COL11A2: variants seen among roughly 807,000 people sequenced by gnomAD.
COL11A2 encodes the protein collagen type XI alpha 2 chain.
Under a neutral mutation model 273.4 loss-of-function variants are expected in COL11A2, and 116 were observed. The observed-to-expected ratio is 0.42, with a 90% CI of 0.36 to 0.49. The LOEUF (loss-of-function observed/expected upper bound fraction) is 0.49. Ranked by LOEUF, COL11A2 falls within the 20% of genes least tolerant of loss-of-function variation. The pLI, the probability that COL11A2 is intolerant of heterozygous loss-of-function variation, is 0.00. For missense variants in COL11A2, 1,866 were observed against 2,309.0 expected (o/e 0.81, Z 3.93); for synonymous variants, 782 against 864.2 (o/e 0.90, Z 1.67).
intron 8 of COL11A2, among the ~76,000 whole-genome samples, chr6:33,182,204 G>A (rs1037886957): frequency 6.6e-6 from 1 of 151,944 alleles, no homozygotes; most frequent in Non-Finnish European, 1.5e-5. Context: ...AACCCAGGAG[G>A]TGGAGGTTGA....
rs1229265418 is a variant in COL11A2, at chr6:33,170,306, CAG to C, written c.3582+18_3582+19del. On this transcript the variant is annotated intron_variant, in intron 48 of 65. Transcript: ENST00000341947. This position sits in a 1 kb window ranked among gnomAD's most constrained non-coding sequence, Gnocchi z 4.3. The stretch of plus-strand genomic sequence containing the variant: ...GACCAGACACATTGGTCTCAAGGGA[CAG>C]GGGCTGAGATGACTCACATCAGCGC... 1 of 1,612,654 alleles carries C rather than the reference CAG, an allele frequency of 6.2e-7. No homozygotes were observed. Among genetic ancestry groups the C allele is most frequent in the East Asian group, 2.2e-5 (1 of 44,838 alleles).
rs1768830475 is a variant in COL11A2, at chr6:33,164,640, T to C, written c.4864-167A>G. 6.6e-6 allele frequency among the ~76,000 whole-genome samples: 1 copy of C among 150,614 alleles called. No homozygotes were observed. The highest frequency in any genetic ancestry group is 2.5e-5 in the African/African-American group (1 of 40,776). ...GCTGGGAAAGAAGTGAGGGGCTGAGTGGGAGCCAGGAGACTGGGGGTACAC... is the reference window on the plus strand; with the variant it reads ...GCTGGGAAAGAAGTGAGGGGCTGAGCGGGAGCCAGGAGACTGGGGGTACAC... On this transcript the variant is annotated intron_variant, in intron 64 of 65. Transcript: ENST00000341947. This position sits in a 1 kb window ranked among gnomAD's most constrained non-coding sequence, Gnocchi z 4.7.
intron 5 of COL11A2, chr6:33,186,355 T>C: frequency 1.4e-6 from 2 of 1,386,160 alleles, no homozygotes; most frequent in Non-Finnish European, 1.9e-6. Context: ...AATCTCTTAA[T>C]TCAAAGAAGG....
At position 33,185,415 on chromosome 6, in the gene COL11A2, G is replaced by A. The variant is rs367992472; in HGVS notation, c.876+286C>T. ...AAGCCTGCAGTTGGAGAGGGCCTCC[G>A]GCCTGGTGAGGGGGACGCCTGCCAG... On this transcript the variant is annotated intron_variant, in intron 6 of 65. Coordinates refer to ENST00000341947, the MANE Select transcript of COL11A2 (RefSeq NM_080680.3). Among the ~76,000 whole-genome samples the A allele has an allele frequency of 2.2e-4, 33 of 152,282 alleles. 1 individual carries two copies. The highest frequency in any genetic ancestry group is 1.1e-3 in the Admixed American group (17 of 15,310).
At position 33,174,200 on chromosome 6, in the gene COL11A2, C is replaced by G; in HGVS notation, c.2449G>C (p.Gly817Arg). Residue 817 changes from glycine (G) to arginine (R), a missense_variant, in exon 32 of 66, where the codon GGC becomes CGC. Physicochemically the swap from Gly to Arg is moderately radical, Grantham distance 125. Transcript: ENST00000341947. ...QGPKGSLGFP[G>R]FPGASGEKGA... ...TTCTCTCCACTGGCACCAGGAAAGC[C>G]AGGAAATCCTAGGGACCCCTGGTGA... 6.3e-7 allele frequency: 1 copy of G among 1,576,142 alleles called. No homozygotes were observed. Among genetic ancestry groups the G allele is most frequent in the Non-Finnish European group, 8.6e-7 (1 of 1,160,364 alleles).
Position 33,169,985 on chromosome 6 carries a change from G to A in COL11A2, c.3636+62C>T. The A allele has an allele frequency of 6.2e-7, 1 of 1,612,244 alleles. No individual in the cohort carries two copies. The highest frequency in any genetic ancestry group is 8.5e-7 in the Non-Finnish European group (1 of 1,178,696). ...TCTTTTGTCTCCCCACCCAAAATTG[G>A]CAGAAATCCAACTCCCATCCCCCAC... On this transcript the variant is annotated intron_variant, in intron 49 of 65. Coordinates refer to ENST00000341947, the MANE Select transcript of COL11A2 (RefSeq NM_080680.3). The surrounding 1 kb of genome is among the most constrained non-coding windows in gnomAD (Gnocchi z 5.5).
rs748805110 is a variant in COL11A2 at position 33,173,475 on chromosome 6, G to A, written c.2682+27C>T. The stretch of plus-strand genomic sequence containing the variant: ...GGGAAGAAGGACTCAGAGAAGCGAG[G>A]TGGGTCAGAGCTCGGGGTCAACTTA... On this transcript the variant is annotated intron_variant, in intron 36 of 65. Transcript: ENST00000341947. The surrounding 1 kb of genome is among the most constrained non-coding windows in gnomAD (Gnocchi z 6.3). 1 of 1,612,272 alleles carries A rather than the reference G, an allele frequency of 6.2e-7. No individual in the cohort carries two copies. The highest frequency in any genetic ancestry group is 8.5e-7 in the Non-Finnish European group (1 of 1,179,260).
In COL11A2 at chr6:33,167,224, C is replaced by G; in HGVS notation, c.4176+40G>C. The G allele has an allele frequency of 1.9e-6, 3 of 1,613,988 alleles. No individual in the cohort carries two copies. The highest frequency in any genetic ancestry group is 2.5e-6 in the Non-Finnish European group (3 of 1,179,850). ...AGGGCTTCAGCTCTGTCCCAGGGCA[C>G]TGCCCTCACCCCTCACTCAGCCCAA... On this transcript the variant is annotated intron_variant, in intron 57 of 65. Coordinates refer to ENST00000341947, the MANE Select transcript of COL11A2 (RefSeq NM_080680.3). The surrounding 1 kb of genome is among the most constrained non-coding windows in gnomAD (Gnocchi z 6.1).
Position 33,179,675 on chromosome 6 carries a change from T to C in COL11A2, c.1446+44A>G, listed in dbSNP as rs1771456752. On this transcript the variant is annotated intron_variant, in intron 13 of 65. Transcript: ENST00000341947. The surrounding 1 kb of genome is among the most constrained non-coding windows in gnomAD (Gnocchi z 6.4). The stretch of plus-strand genomic sequence containing the variant: ...CACTCACTCCAGCCAACCCTTCCAG[T>C]GCCCCCCAGAGCCTTCCCTTTCCAG... The C allele has an allele frequency of 6.2e-7, 1 of 1,603,454 alleles. No individual in the cohort carries two copies. The highest frequency in any genetic ancestry group is 1.7e-5 in the Admixed American group (1 of 59,888).
At position 33,176,506 on chromosome 6, in the gene COL11A2, C is replaced by A; in HGVS notation, c.2116-20G>T. The A allele has an allele frequency of 1.2e-6, 2 of 1,609,846 alleles. No individual in the cohort carries two copies. Among genetic ancestry groups the A allele is most frequent in the Non-Finnish European group, 1.7e-6 (2 of 1,177,388 alleles). On this transcript the variant is annotated intron_variant, in intron 26 of 65. Transcript: ENST00000341947. This position sits in a 1 kb window ranked among gnomAD's most constrained non-coding sequence, Gnocchi z 4.9. ...GGGACCCTGGAAGATAAAAGAGAGG[C>A]ATTTATAAAGGGGCCTCAGAGTGTC...
chr6:33,175,782 T>C lies in COL11A2; in HGVS notation c.2269-101A>G, dbSNP rs564435056. On this transcript the variant is annotated intron_variant, in intron 29 of 65. Transcript: ENST00000341947. ...GTGAGGCTGAGGAGGGCTAGAGGGG[T>C]CCCAGGAGCCACTGCAGGACAGGAA... 5 of 1,236,886 alleles carry C rather than the reference T, an allele frequency of 4.0e-6. No homozygotes were observed. The South Asian group carries it at 6.1e-5, about 15-fold the overall frequency. The allele number at this position is 1,236,886 out of a possible 1,614,324, so 76.6% of individuals were successfully genotyped here. A position where few individuals can be genotyped will look rare whatever the true frequency, so the allele number is the denominator to read the frequency against.
intron 8 of COL11A2, among the ~76,000 whole-genome samples, chr6:33,182,868 A>G (rs1453800138): frequency 6.6e-6 from 1 of 152,090 alleles, no homozygotes; most frequent in Non-Finnish European, 1.5e-5. Flanking sequence ...AACATGGAGA[A>G]TGGGAGACAT....
In COL11A2 at chr6:33,178,327, C is replaced by T. The variant is rs763854550; in HGVS notation, c.1799G>A (p.Arg600Gln). Residue 600 changes from arginine to glutamine, a missense_variant, in exon 20 of 66, where the codon CGA (arginine) becomes CAA (glutamine). Coordinates refer to ENST00000341947, the MANE Select transcript of COL11A2 (RefSeq NM_080680.3). The surrounding 1 kb of genome is among the most constrained non-coding windows in gnomAD (Gnocchi z 4.6). The stretch of plus-strand genomic sequence containing the variant: ...ACTCACCGACTCTCCAGGCAGCCCT[C>T]GAGGCCCAATCTCCCCGTCATCTCC... The part of the protein sequence containing the change: ...ERGDDGEIGP[R>Q]GLPGESGPRG... The T allele has an allele frequency of 9.9e-6, 16 of 1,612,826 alleles. No homozygotes were observed. Among genetic ancestry groups the T allele is most frequent in the African/African-American group, 4.0e-5 (3 of 74,876 alleles).
chr6:33,189,534 T>A lies in COL11A2; in HGVS notation c.83-65A>T, dbSNP rs2150626070. ...TCAGGAGGGCATAAATAGGGGACAT[T>A]TGGGATCTAGAACTCAGCTTTCCAG... On this transcript the variant is annotated intron_variant, in intron 1 of 65. Transcript: ENST00000341947. The surrounding 1 kb of genome is among the most constrained non-coding windows in gnomAD (Gnocchi z 5.6). 1 of 1,599,760 alleles carries A rather than the reference T, an allele frequency of 6.3e-7. No individual in the cohort carries two copies. Among genetic ancestry groups the A allele is most frequent in the African/African-American group, 1.3e-5 (1 of 74,732 alleles).
At position 33,184,933 on chromosome 6, in the gene COL11A2, G is replaced by T. The variant is rs368917461; in HGVS notation, c.939+59C>A. ...TCCATCAAGACGTCATGGGCTGAGG[G>T]GAGTGAGTCACAGGTGCCCACTGCC... On this transcript the variant is annotated intron_variant, in intron 7 of 65. Coordinates refer to ENST00000341947, the MANE Select transcript of COL11A2 (RefSeq NM_080680.3). 5.0e-6 allele frequency: 7 copies of T among 1,400,576 alleles called. No homozygotes were observed. In the African/African-American group the frequency reaches 8.6e-5, roughly 17 times the overall value. 86.8% of individuals were successfully genotyped at this position (1,400,576 alleles called of 1,614,324 possible). A position where few individuals can be genotyped will look rare whatever the true frequency, so the allele number is the denominator to read the frequency against.
At position 33,167,936 on chromosome 6, in the gene COL11A2, C is replaced by T. The variant is rs1769421061; in HGVS notation, c.3961-84G>A. On this transcript the variant is annotated intron_variant, in intron 54 of 65. Transcript: ENST00000341947. This position sits in a 1 kb window ranked among gnomAD's most constrained non-coding sequence, Gnocchi z 6.1. Reference sequence around the variant, plus strand: ...TCCCCCTTCCTGTCCTAGACACACACATACACATGCACACACACACGTGCA... The same window carrying T: ...TCCCCCTTCCTGTCCTAGACACACATATACACATGCACACACACACGTGCA... 1.4e-6 allele frequency: 2 copies of T among 1,435,994 alleles called. No individual in the cohort carries two copies. Among genetic ancestry groups the T allele is most frequent in the South Asian group, 1.2e-5 (1 of 85,132 alleles). 89.0% of individuals were successfully genotyped at this position (1,435,994 alleles called of 1,614,324 possible).
Position 33,185,714 on chromosome 6 carries a change from G to A in COL11A2, c.863C>T (p.Thr288Ile). Residue 288 changes from threonine (T) to isoleucine (I), a missense_variant, in exon 6 of 66, where the codon ACC becomes ATC. Physicochemically the swap from Thr to Ile is moderately conservative, Grantham distance 89. Coordinates refer to ENST00000341947, the MANE Select transcript of COL11A2 (RefSeq NM_080680.3). ...PYYDVMTTGT[T>I]PDYQDPTPGE... ...CCTTGAGTTTACCTGATAATCAGGG[G>A]TTGTCCCCGTAGTCATCACATCATA... 2 of 1,360,044 alleles carry A rather than the reference G, an allele frequency of 1.5e-6. No homozygotes were observed. Among genetic ancestry groups the A allele is most frequent in the Non-Finnish European group, 2.0e-6 (2 of 1,016,450 alleles). 84.2% of individuals were successfully genotyped at this position (1,360,044 alleles called of 1,614,324 possible).
chr6:33,187,801 G>A (rs1042972497), intron 4 of COL11A2, among the ~76,000 whole-genome samples: 1 of 148,544 alleles, frequency 6.7e-6, no homozygotes, highest in African/African-American at 2.5e-5. Context: ...ATGGATAGAT[G>A]GTGGCTGAAT....
At position 33,190,090 on chromosome 6, in the gene COL11A2, C is replaced by T. The variant is rs1179823935; in HGVS notation, c.83-621G>A. ...GAGGGGCTTCAAGCAGCTACAGATC[C>T]CAGGTTTGGGGGATGGGGTGGGAAC... On this transcript the variant is annotated intron_variant, in intron 1 of 65. Transcript: ENST00000341947. This position sits in a 1 kb window ranked among gnomAD's most constrained non-coding sequence, Gnocchi z 4.5. Among the ~76,000 whole-genome samples the T allele has an allele frequency of 1.3e-5, 2 of 152,028 alleles. No homozygotes were observed.
Sources: allele counts gnomAD v4.1 joint callset (sites outside exome capture counted in the v4.1 genomes callset), GRCh38; gene constraint gnomAD v4.1.1; non-coding constraint Gnocchi (gnomAD v3.1); transcripts MANE v1.5; gene names NCBI Gene and HGNC (gene_info 2026-07-23, HGNC 2026-07-21).